UGT2A1: variants seen among roughly 807,000 people sequenced by gnomAD.
UGT2A1 encodes the protein UDP-glucuronosyltransferase 2A1.
Under a neutral mutation model 45.4 loss-of-function variants are expected in UGT2A1, and 61 were observed. That is an observed-to-expected ratio of 1.34 (90% CI 1.09 to 1.66). UGT2A1 has a LOEUF of 1.66. Ranked by LOEUF, UGT2A1 falls within the 40% of genes most tolerant of loss-of-function variation. The pLI, the probability that UGT2A1 is intolerant of heterozygous loss-of-function variation, is 0.00. For synonymous variants in UGT2A1, 229 were observed against 196.2 expected, an observed-to-expected ratio of 1.17 and a Z score of -1.40; for missense variants, 649 against 574.3, an observed-to-expected ratio of 1.13 and a Z score of -1.33.
At chr4:69,618,609 T>C (rs1171115134) in intron 3 of UGT2A1, among the ~76,000 whole-genome samples, 1 of 152,020 alleles carries the variant, frequency 6.6e-6, no homozygotes, top group Non-Finnish European at 1.5e-5. Context: ...AAAGATTGTA[T>C]ATTGACCATT....
chr4:69,591,323 T>C (rs1560464743), intron 6 of UGT2A1, among the ~76,000 whole-genome samples: 1 of 152,104 alleles, frequency 6.6e-6, no homozygotes, highest in African/African-American at 2.4e-5. Flanking sequence ...ATACATTGGT[T>C]TGGTTTAGAA....
chr4:69,639,373 T>C lies in UGT2A1; in HGVS notation c.716-3551A>G, dbSNP rs537233488. 4.4e-5 allele frequency: 71 copies of C among 1,613,550 alleles called. 2 individuals are homozygous for C. In the East Asian group the frequency reaches 1.6e-3, roughly 36 times the overall value. On this transcript the variant is annotated intron_variant, in intron 2 of 6. Transcript: ENST00000286604. ...TGCTCAATTAAGGAATCTATATTGC[T>C]CTTCTTGTAGGAAACAGGTATCACT...
At chr4:69,626,279 T>C (rs540416343) in intron 3 of UGT2A1, among the ~76,000 whole-genome samples, 3 of 151,600 alleles carry the variant, frequency 2.0e-5, no homozygotes, top group African/African-American at 4.8e-5. Context: ...TCGGAGTAAA[T>C]TTTATTCCAC....
chr4:69,635,842 A>AAAAAAAAAAAAAAAAAAAAAAAAAG lies in UGT2A1; in HGVS notation c.716-21_716-20insCTTTTTTTTTTTTTTTTTTTTTTTT, dbSNP rs1721664747. 1 of 144,130 alleles carries AAAAAAAAAAAAAAAAAAAAAAAAAG rather than the reference A, an allele frequency of 6.9e-6. No homozygotes were observed. The highest frequency in any genetic ancestry group is 2.8e-5 in the African/African-American group (1 of 35,668). 8.9% of individuals were successfully genotyped at this position (144,130 alleles called of 1,614,324 possible). On this transcript the variant is annotated intron_variant, in intron 2 of 6. Transcript: ENST00000286604. ...GTCCACCTCACCAAAAAAAAAAAAA[A>AAAAAAAAAAAAAAAAAAAAAAAAAG]AAAAAAAAGAGAGAGAGAGAGAGAA...
intron 3 of UGT2A1, among the ~76,000 whole-genome samples, chr4:69,608,656 G>A (rs1719833486): frequency 6.6e-6 from 1 of 151,888 alleles, no homozygotes; most frequent in Non-Finnish European, 1.5e-5. Context: ...CAAAGAAATG[G>A]ACTCAACTCT....
chr4:69,634,966 A>T (rs1313369114), intron 3 of UGT2A1, among the ~76,000 whole-genome samples: 1 of 152,108 alleles, frequency 6.6e-6, no homozygotes, highest in African/African-American at 2.4e-5. Context: ...CATTAGTTCT[A>T]AGAATCCATC....
At chr4:69,621,366 T>G (rs1464142989) in intron 3 of UGT2A1, among the ~76,000 whole-genome samples, 1 of 151,966 alleles carries the variant, frequency 6.6e-6, no homozygotes, top group African/African-American at 2.4e-5. Context: ...AAAGAAGACA[T>G]ACATGCAACC....
intron 2 of UGT2A1, among the ~76,000 whole-genome samples, chr4:69,636,069 A>G (rs7681367): frequency 0.031 from 4,729 of 152,196 alleles, 257 homozygotes; most frequent in African/African-American, 0.11. Flanking sequence ...TCACTGATAT[A>G]GAAAACAAGT....
chr4:69,597,585 G>C (rs560305926), intron 4 of UGT2A1, among the ~76,000 whole-genome samples: 76 of 152,238 alleles, frequency 5.0e-4, no homozygotes, highest in African/African-American at 1.7e-3. Flanking sequence ...CTAGGGGAGG[G>C]TGATATCTTA....
At chr4:69,599,934 C>A (rs188041680) in intron 3 of UGT2A1, among the ~76,000 whole-genome samples, 55 of 152,270 alleles carry the variant, frequency 3.6e-4, no homozygotes, top group Middle Eastern at 3.4e-3. Flanking sequence ...GTTTCTTCCC[C>A]AGGACAGCAA....
intron 3 of UGT2A1, among the ~76,000 whole-genome samples, chr4:69,625,692 T>G (rs1721016008): frequency 6.6e-6 from 1 of 151,428 alleles, no homozygotes; most frequent in African/African-American, 2.4e-5. Flanking sequence ...AGGTCTACAC[T>G]ATAGCACTTA....
In UGT2A1 at chr4:69,599,233, G is replaced by C; in HGVS notation, c.996+13C>G. On this transcript the variant is annotated intron_variant, in intron 4 of 6. Coordinates refer to ENST00000286604, the MANE Select transcript of UGT2A1 (RefSeq NM_001252275.3). ...TATGAAGAGCATAAAATCCTCCACT[G>C]TTGTAGACCTACCTTAGGTAAAGGT... 6.2e-7 allele frequency: 1 copy of C among 1,611,578 alleles called. No individual in the cohort carries two copies.
chr4:69,598,064 G>A (rs1300616672), intron 4 of UGT2A1, among the ~76,000 whole-genome samples: 2 of 152,116 alleles, frequency 1.3e-5, no homozygotes, highest in Non-Finnish European at 2.9e-5. Flanking sequence ...ATTATCCAGT[G>A]ACCTATGGAT....
chr4:69,650,956 A>G (rs572857916), intron 1 of UGT2A1, among the ~76,000 whole-genome samples: 4 of 152,296 alleles, frequency 2.6e-5, no homozygotes, highest in Admixed American at 6.5e-5. Context: ...AGCAGTGCGC[A>G]AAAAGGCAAT....
chr4:69,633,007 G>C (rs1321950549), intron 3 of UGT2A1, among the ~76,000 whole-genome samples: 1 of 152,078 alleles, frequency 6.6e-6, no homozygotes, highest in Non-Finnish European at 1.5e-5. Flanking sequence ...TAATCATGAT[G>C]TTAAAGTTGA....
Position 69,647,689 on chromosome 4 carries a change from T to C in UGT2A1, c.-45A>G, listed in dbSNP as rs1722345608. ...GATTTGATGAGATGTGAAGCAAATGTTTTTCTCTGCTTTTAAAGAAAAAAA... is the reference window on the plus strand; with the variant it reads ...GATTTGATGAGATGTGAAGCAAATGCTTTTCTCTGCTTTTAAAGAAAAAAA... On this transcript the variant is annotated 5_prime_UTR_variant, in exon 2 of 7. Coordinates refer to ENST00000286604, the MANE Select transcript of UGT2A1 (RefSeq NM_001252275.3). The C allele has an allele frequency of 1.5e-6, 2 of 1,311,782 alleles. No homozygotes were observed. Among genetic ancestry groups the C allele is most frequent in the Non-Finnish European group, 2.1e-6 (2 of 972,284 alleles). 81.3% of individuals were successfully genotyped at this position (1,311,782 alleles called of 1,614,324 possible).
intron 3 of UGT2A1, among the ~76,000 whole-genome samples, chr4:69,624,624 T>G (rs1720931224): frequency 6.6e-6 from 1 of 151,414 alleles, no homozygotes; most frequent in Non-Finnish European, 1.5e-5. Context: ...TATTCTTTTT[T>G]TGCTCTACCT....
intron 4 of UGT2A1, chr4:69,596,131 GT>G (rs2109883294): frequency 1.6e-6 from 2 of 1,280,388 alleles, no homozygotes; most frequent in East Asian, 5.5e-5. Flanking sequence ...ACTTACAACT[GT>G]TACTAGTGAT....
intron 3 of UGT2A1, among the ~76,000 whole-genome samples, chr4:69,608,504 G>A (rs1283637905): frequency 6.6e-6 from 1 of 151,536 alleles, no homozygotes; most frequent in Admixed American, 6.6e-5. Flanking sequence ...ACACCAACCT[G>A]GCACATGTAT....
Sources: gnomAD v4.1 joint callset for allele counts (sites outside exome capture counted in the v4.1 genomes callset) on GRCh38, gnomAD v4.1.1 for gene constraint, MANE v1.5 for transcripts, NCBI Gene and HGNC (gene_info 2026-07-23, HGNC 2026-07-21) for gene names.